CDH1: variants seen among roughly 807,000 people sequenced by gnomAD.
CDH1 encodes cadherin 1.
CDH1 carries 35 observed loss-of-function variants against 84.5 expected under a neutral mutation model. The ratio of observed to expected loss-of-function variants is 0.41; its 90% CI spans 0.32 to 0.55. The LOEUF is 0.55. CDH1 is among the 20% of genes least tolerant of loss of function. The pLI, the probability that CDH1 is intolerant of heterozygous loss-of-function variation, is 0.19. For synonymous variants in CDH1, 417 were observed against 439.0 expected (o/e 0.95, Z 0.63); for missense variants, 994 against 1,126.6 (o/e 0.88, Z 1.68).
intron 12 of CDH1, chr16:68,823,050 C>T: frequency 3.4e-6 from 1 of 294,620 alleles, no homozygotes. Context: ...CACAGGCCAG[C>T]CGGCCTCCAG....
chr16:68,794,882 C>T (rs931796550), intron 2 of CDH1, among the ~76,000 whole-genome samples: 15 of 150,846 alleles, frequency 9.9e-5, no homozygotes, highest in South Asian at 2.1e-4. Context: ...TTAGTAGAGA[C>T]GGGGTTTCAC....
At chr16:68,743,350 T>TA (rs1567474047) in intron 2 of CDH1, among the ~76,000 whole-genome samples, 1 of 17,186 alleles carries the variant, frequency 5.8e-5, no homozygotes, top group African/African-American at 2.2e-4. Context: ...TTTCTTTCTT[T>TA]CTTTCTTTCT....
intron 2 of CDH1, among the ~76,000 whole-genome samples, chr16:68,776,569 A>C (rs966059515): frequency 6.6e-6 from 1 of 152,182 alleles, no homozygotes; most frequent in Non-Finnish European, 1.5e-5. Flanking sequence ...GGGTCTCACT[A>C]TATTGCCCAG....
At position 68,833,489 on chromosome 16, in the gene CDH1, A is replaced by G. The variant is rs1555518306; in HGVS notation, c.2639A>G (p.Glu880Gly). The part of the protein sequence containing the change: ...KKLADMYGGG[E>G]DD ...CTGGCTGACATGTACGGAGGCGGCG[A>G]GGACGACTAGGGGACTCGAGAGAGG... The change falls in exon 16 of 16, where the codon GAG (glutamate) becomes GGG (glycine). Residue 880 changes from glutamate to glycine, a missense_variant. Physicochemically the swap from Glu to Gly is moderately conservative, Grantham distance 98. Coordinates refer to ENST00000261769, the MANE Select transcript of CDH1 (RefSeq NM_004360.5). The G allele has an allele frequency of 1.2e-6, 2 of 1,613,654 alleles. No homozygotes were observed. Among genetic ancestry groups the G allele is most frequent in the Non-Finnish European group, 8.5e-7 (1 of 1,179,892 alleles).
chr16:68,766,614 C>T (rs922793714), intron 2 of CDH1, among the ~76,000 whole-genome samples: 7 of 152,178 alleles, frequency 4.6e-5, no homozygotes, highest in Non-Finnish European at 8.8e-5. Context: ...AATGGGTAAA[C>T]ATAATTGCTA....
intron 3 of CDH1, among the ~76,000 whole-genome samples, chr16:68,807,790 T>C (rs1393958866): frequency 2.6e-5 from 4 of 152,152 alleles, no homozygotes; most frequent in Non-Finnish European, 5.9e-5. Context: ...TGTTAAAAAT[T>C]ATATTATGGG....
chr16:68,811,918 G>A (rs1387066335), intron 7 of CDH1, 59 bp downstream of exon 7: 27 of 1,583,656 alleles, frequency 1.7e-5, no homozygotes, highest in East Asian at 2.2e-5. Flanking sequence ...GCTCAATCCC[G>A]TGGACAAAGC....
intron 13 of CDH1, among the ~76,000 whole-genome samples, chr16:68,825,189 C>T (rs1961286832): frequency 6.6e-6 from 1 of 152,048 alleles, no homozygotes; most frequent in Admixed American, 6.6e-5. Flanking sequence ...CTCATGAATG[C>T]CTTTGTAGTC....
chr16:68,791,638 T>G (rs1960211629), intron 2 of CDH1, among the ~76,000 whole-genome samples: 1 of 152,140 alleles, frequency 6.6e-6, no homozygotes, highest in Admixed American at 6.6e-5. Context: ...CTCAGGCTAG[T>G]CTTGAATTCC....
intron 2 of CDH1, among the ~76,000 whole-genome samples, chr16:68,783,401 A>G (rs929009094): frequency 3.7e-5 from 5 of 135,774 alleles, no homozygotes; most frequent in African/African-American, 1.1e-4. Context: ...AAAAAAAAAA[A>G]AAAGAAAAAA....
At chr16:68,792,230 A>ACT (rs780536341) in intron 2 of CDH1, among the ~76,000 whole-genome samples, 1,281 of 108,398 alleles carry the variant, frequency 0.012, 10 homozygotes, top group Middle Eastern at 0.037. Context: ...CTAAACACTG[A>ACT]CTTTTTTTTT....
chr16:68,759,024 G>C (rs1963091117), intron 2 of CDH1, among the ~76,000 whole-genome samples: 1 of 152,102 alleles, frequency 6.6e-6, no homozygotes. Flanking sequence ...TCAAACTCCT[G>C]ACCTCAGATG....
chr16:68,738,340 G>A lies in CDH1; in HGVS notation c.92G>A (p.Gly31Asp), dbSNP rs1131690823. ...CAGGAGCCGGAGCCCTGCCACCCTG[G>A]CTTTGACGCCGAGAGCTACACGTTC... ...LCQEPEPCHP[G>D]FDAESYTFTV... Residue 31 changes from glycine (G) to aspartate (D), a missense_variant, in exon 2 of 16, where the codon GGC becomes GAC. Gly to Asp is a moderately conservative substitution (Grantham distance 94). Transcript: ENST00000261769. 1.9e-6 allele frequency: 3 copies of A among 1,538,508 alleles called. No homozygotes were observed. Among genetic ancestry groups the A allele is most frequent in the Non-Finnish European group, 2.6e-6 (3 of 1,140,976 alleles).
intron 2 of CDH1, among the ~76,000 whole-genome samples, chr16:68,773,442 G>A (rs1397823815): frequency 6.6e-6 from 1 of 151,932 alleles, no homozygotes; most frequent in Non-Finnish European, 1.5e-5. Context: ...GATTACAGGT[G>A]TGCACCACCA....
chr16:68,754,537 G>A (rs1373400504), intron 2 of CDH1, among the ~76,000 whole-genome samples: 2 of 152,108 alleles, frequency 1.3e-5, no homozygotes, highest in East Asian at 3.8e-4. Context: ...CATGCACACA[G>A]GTGTGTCATG....
intron 15 of CDH1, 25 bp from the exon 16 acceptor site, chr16:68,833,265 G>A (rs748394591): frequency 6.2e-7 from 1 of 1,605,714 alleles, no homozygotes; most frequent in Non-Finnish European, 8.5e-7. Context: ...TTCACTAAAA[G>A]ATGCTTTTGT....
chr16:68,809,233 T>A (rs1229339106), intron 5 of CDH1, among the ~76,000 whole-genome samples: 3 of 151,570 alleles, frequency 2.0e-5, no homozygotes, highest in East Asian at 3.9e-4. Context: ...GGTCTTTTTT[T>A]TTTTTTTTTG....
intron 8 of CDH1, among the ~76,000 whole-genome samples, chr16:68,812,670 T>C (rs1349355624): frequency 6.6e-6 from 1 of 152,224 alleles, no homozygotes; most frequent in East Asian, 1.9e-4. Context: ...AGACATCTTA[T>C]GAGAATTATT....
At chr16:68,809,656 G>A (rs1960764673) in intron 5 of CDH1, among the ~76,000 whole-genome samples, 1 of 152,074 alleles carries the variant, frequency 6.6e-6, no homozygotes, top group South Asian at 2.1e-4. Flanking sequence ...TTCCTGAGTA[G>A]CTGAGACTAA....
Sources: gnomAD v4.1 joint callset for allele counts (sites outside exome capture counted in the v4.1 genomes callset) on GRCh38, gnomAD v4.1.1 for gene constraint, MANE v1.5 for transcripts, NCBI Gene and HGNC (gene_info 2026-07-23, HGNC 2026-07-21) for gene names.